The following COL9A3 variants were observed in gnomAD, a reference collection of about 807,000 sequenced individuals.
The protein encoded by COL9A3 is collagen alpha-3(IX) chain.
A neutral mutation model predicts 110.2 loss-of-function variants in COL9A3; 82 were observed. The ratio of observed to expected loss-of-function variants is 0.74; its 90% CI spans 0.62 to 0.89. The LOEUF is 0.89. Among genes scored for constraint, COL9A3 ranks in the 40% least tolerant of loss-of-function variants. COL9A3 has a pLI of 0.00. For synonymous variants in COL9A3, 494 were observed against 403.8 expected (o/e 1.22, Z -2.68); for missense variants, 1,066 against 981.3 (o/e 1.09, Z -1.15).
At position 62,840,536 on chromosome 20, in the gene COL9A3, C is replaced by T. The variant is rs190187146; in HGVS notation, c.1865-6C>T. 14 of 1,611,328 alleles carry T rather than the reference C, an allele frequency of 8.7e-6. No homozygotes were observed. Among genetic ancestry groups the T allele is most frequent in the African/African-American group, 2.7e-5 (2 of 74,984 alleles). On this transcript the variant is annotated splice_polypyrimidine_tract_variant and splice_region_variant and intron_variant, in intron 31 of 31. Transcript: ENST00000649368. ...AGCTGAACTCACCTTTCTGCTCTGT[C>T]CCAAGGACCCCAAGGCGTGCCCGGC...
chr20:62,829,563 G>GT, intron 20 of COL9A3, 64 bp downstream of exon 20: 5 of 1,611,220 alleles, frequency 3.1e-6, no homozygotes, highest in Non-Finnish European at 2.5e-6. Context: ...CAAGGGGCTG[G>GT]GGGGCCAGCG....
At chr20:62,836,040 A>T in intron 27 of COL9A3, 87 bp downstream of exon 27, 6 of 1,608,312 alleles carry the variant, frequency 3.7e-6, no homozygotes, top group Non-Finnish European at 5.1e-6. Flanking sequence ...GCAGCCCTGC[A>T]GGGCACTGCC....
intron 25 of COL9A3, 24 bp downstream of exon 25, chr20:62,832,213 A>G (rs2063602398): frequency 6.2e-7 from 1 of 1,611,344 alleles, no homozygotes; most frequent in Non-Finnish European, 8.5e-7. Context: ...AGGCTGGGGC[A>G]AAAGGAATGA....
At chr20:62,832,708 A>AGTGCCTGCT in intron 25 of COL9A3, 6 of 252,128 alleles carry the variant, frequency 2.4e-5, no homozygotes, top group South Asian at 5.7e-5. Flanking sequence ...GCCTGCTCTC[A>AGTGCCTGCT]CTTCTAGGCA....
At chr20:62,832,361 G>A (rs1157717310) in intron 25 of COL9A3, among the ~76,000 whole-genome samples, 172 bp downstream of exon 25, 1 of 152,284 alleles carries the variant, frequency 6.6e-6, no homozygotes, top group Non-Finnish European at 1.5e-5. Flanking sequence ...CTCCTGCTTA[G>A]CACAGCGAAA....
intron 8 of COL9A3, 110 bp from the exon 9 acceptor site, chr20:62,822,001 G>T: frequency 1.2e-6 from 1 of 827,530 alleles, no homozygotes; most frequent in East Asian, 2.5e-5. Context: ...CACAGTCCGT[G>T]GGAGTGGGGG....
At chr20:62,833,418 G>T (rs1388635409) in intron 26 of COL9A3, among the ~76,000 whole-genome samples, 1 of 152,096 alleles carries the variant, frequency 6.6e-6, no homozygotes, top group Non-Finnish European at 1.5e-5. Flanking sequence ...CTTGTTTTTT[G>T]TTTTGAGACG....
At position 62,832,904 on chromosome 20, in the gene COL9A3, C is replaced by T. The variant is rs2063607662; in HGVS notation, c.1324-116C>T. 5 of 977,550 alleles carry T rather than the reference C, an allele frequency of 5.1e-6. No homozygotes were observed. In the East Asian group the frequency reaches 1.5e-4, roughly 30 times the overall value. The allele number at this position is 977,550 out of a possible 1,614,324, so 60.6% of individuals were successfully genotyped here. A position where few individuals can be genotyped will look rare whatever the true frequency, so the allele number is the denominator to read the frequency against. ...GCAGCCCTGGGGCCTGGGCTTTTGG[C>T]CTCGACCTTAAGATGAACATTACAC... On this transcript the variant is annotated intron_variant, in intron 25 of 31. Transcript: ENST00000649368.
chr20:62,827,898 C>T, intron 16 of COL9A3, 25 bp from the exon 17 acceptor site: 1 of 1,612,436 alleles, frequency 6.2e-7, no homozygotes, highest in Non-Finnish European at 8.5e-7. Flanking sequence ...ACTGCCACTG[C>T]TTCTGTCACT....
At position 62,825,032 on chromosome 20, in the gene COL9A3, C is replaced by A. The variant is rs368606488; in HGVS notation, c.630+11C>A. On this transcript the variant is annotated intron_variant, in intron 12 of 31. Transcript: ENST00000649368. The stretch of plus-strand genomic sequence containing the variant: ...AAGGACGGCGAGAAGGTGAAGCTGC[C>A]GCACAGCAGCTGGGGAGGAGCTGGG... 1 of 1,604,866 alleles carries A rather than the reference C, an allele frequency of 6.2e-7. No individual in the cohort carries two copies.
In COL9A3 at chr20:62,826,249, G is replaced by T; in HGVS notation, c.730G>T (p.Gly244Trp). The change falls in exon 14 of 32, where the codon GGG becomes TGG. Residue 244 changes from glycine to tryptophan, a missense_variant. Physicochemically the swap from Gly to Trp is radical, Grantham distance 184 (BLOSUM62 -2). Transcript: ENST00000649368. Reference protein sequence around the residue: ...RGLPGPLGPPGDRGPIGFRGP... With the variant: ...RGLPGPLGPPWDRGPIGFRGP... ...ACTGCCAGGGCCACTCGGGCCCCCT[G>T]GGGACCGGGTAAGTCCTGCAGCCCC... 1 of 1,552,442 alleles carries T rather than the reference G, an allele frequency of 6.4e-7. No homozygotes were observed.
Position 62,837,255 on chromosome 20 carries a change from C to T in COL9A3, c.1776C>T (p.Pro592=), listed in dbSNP as rs138477294. ...GTCCCACTGGGGAGCTGGGAGACCC[C>T]GGGCCCAGAGGTGAGTGTTTGACCC... ...YRGPTGELGD[P]GPRGNQGDRG... Residue 592 remains proline, a synonymous_variant, in exon 30 of 32, where the codon CCC becomes CCT. Transcript: ENST00000649368. The T allele has an allele frequency of 2.1e-4, 336 of 1,610,204 alleles. No individual in the cohort carries two copies. In the African/African-American group the frequency reaches 3.8e-3, roughly 18 times the overall value.
At chr20:62,824,898 C>G in intron 11 of COL9A3, 70 bp from the exon 12 acceptor site, 1 of 1,490,198 alleles carries the variant, frequency 6.7e-7, no homozygotes, top group Middle Eastern at 1.9e-4. Flanking sequence ...CTGCAGGCCT[C>G]ACTTCAGTGT....
rs370919158 is a variant in COL9A3, at chr20:62,835,885, A to T, written c.1369-36A>T. 34 of 1,613,600 alleles carry T rather than the reference A, an allele frequency of 2.1e-5. No individual in the cohort carries two copies. In the African/African-American group the frequency reaches 4.3e-4, roughly 20 times the overall value. On this transcript the variant is annotated intron_variant, in intron 26 of 31. Coordinates refer to ENST00000649368, the MANE Select transcript of COL9A3 (RefSeq NM_001853.4). ...GGCTACTTCCCACCCACCCAACAAT[A>T]CACTTAGTTCAAACACACAACTTTT...
At chr20:62,834,866 C>T (rs1185328308) in intron 26 of COL9A3, among the ~76,000 whole-genome samples, 1 of 152,158 alleles carries the variant, frequency 6.6e-6, no homozygotes, top group African/African-American at 2.4e-5. Context: ...GTCTCAAACT[C>T]CTGACCTTGT....
chr20:62,817,202 A>T (rs922818303), intron 1 of COL9A3, 60 bp downstream of exon 1: 3 of 1,200,696 alleles, frequency 2.5e-6, no homozygotes, highest in African/African-American at 3.3e-5. Context: ...CCAGCCCCGA[A>T]CCCGCCACTC....
In COL9A3 at chr20:62,840,911, A is replaced by G; in HGVS notation, c.*179A>G. ...CACCCTCATCGGGCTGTCGCCTGAC[A>G]GCATACCTCAAAAGGCCCTAGCTAA... On this transcript the variant is annotated 3_prime_UTR_variant, in exon 32 of 32. Transcript: ENST00000649368. The G allele has an allele frequency of 6.2e-6, 4 of 648,878 alleles. No individual in the cohort carries two copies. The highest frequency in any genetic ancestry group is 1.8e-5 in the African/African-American group (1 of 54,770). 40.2% of individuals were successfully genotyped at this position (648,878 alleles called of 1,614,324 possible).
rs531831389 is a variant in COL9A3, at chr20:62,827,317, C to G, written c.846+23C>G. The G allele has an allele frequency of 4.3e-5, 70 of 1,611,984 alleles. 1 individual carries two copies. In the Admixed American group the frequency reaches 4.7e-4, roughly 11 times the overall value. ...CTCGTAAGTGAGAGGGAAGTTGGTTCCCTGGGTCCTTATGTGGAAGAACCC... is the reference window on the plus strand; with the variant it reads ...CTCGTAAGTGAGAGGGAAGTTGGTTGCCTGGGTCCTTATGTGGAAGAACCC... On this transcript the variant is annotated intron_variant, in intron 16 of 31. Coordinates refer to ENST00000649368, the MANE Select transcript of COL9A3 (RefSeq NM_001853.4).
intron 17 of COL9A3, 45 bp from the exon 18 acceptor site, chr20:62,828,719 A>AG (rs1357766150): frequency 2.5e-6 from 4 of 1,605,466 alleles, no homozygotes; most frequent in East Asian, 2.2e-5. Flanking sequence ...AGAGGGAGGG[A>AG]GGGGGGCCAC....
Sources: gnomAD v4.1 joint callset for allele counts (sites outside exome capture counted in the v4.1 genomes callset) on GRCh38, gnomAD v4.1.1 for gene constraint, MANE v1.5 for transcripts, NCBI Gene and HGNC (gene_info 2026-07-23, HGNC 2026-07-21) for gene names.